Variants in UBL3 observed in about 807,000 individuals in gnomAD.
UBL3 encodes the protein ubiquitin-like protein 3.
UBL3 carries 6 observed loss-of-function variants against 18.4 expected under a neutral mutation model. The observed-to-expected ratio is 0.33, with a 90% CI of 0.18 to 0.64. The LOEUF is 0.64. Among genes scored for constraint, UBL3 ranks in the 30% least tolerant of loss-of-function variants. The pLI is 0.76. For missense variants in UBL3, 109 were observed against 142.9 expected, an observed-to-expected ratio of 0.76 and a Z score of 1.21; for synonymous variants, 49 against 46.6, an observed-to-expected ratio of 1.05 and a Z score of -0.21.
rs190837118 is a variant in UBL3 at position 29,826,592 on chromosome 13, C to A, written c.27+22920G>T. ...TTCTATTTGATTCTTCTTTATTAGT[C>A]TTGCTAGCAATCTCTCAATTTTGTT... On this transcript the variant is annotated intron_variant, in intron 1 of 4. Coordinates refer to ENST00000380680, the MANE Select transcript of UBL3 (RefSeq NM_007106.4). Among the ~76,000 whole-genome samples, 239 of 151,784 alleles carry A rather than the reference C, an allele frequency of 1.6e-3. 1 individual carries two copies. Among genetic ancestry groups the A allele is most frequent in the Non-Finnish European group, 2.9e-3 (198 of 67,790 alleles).
chr13:29,823,712 T>C (rs1339158030), intron 1 of UBL3, among the ~76,000 whole-genome samples: 1 of 152,208 alleles, frequency 6.6e-6, no homozygotes, highest in African/African-American at 2.4e-5. Flanking sequence ...TACTCATTTT[T>C]CTATTTATTT....
At position 29,766,454 on chromosome 13, in the gene UBL3, A is replaced by C. The variant is rs1422834331; in HGVS notation, c.*801T>G. 2 of 152,604 alleles carry C rather than the reference A, an allele frequency of 1.3e-5. No individual in the cohort carries two copies. The highest frequency in any genetic ancestry group is 1.5e-5 in the Non-Finnish European group (1 of 68,012). 9.5% of individuals were successfully genotyped at this position (152,604 alleles called of 1,614,324 possible). Reference sequence around the variant, plus strand: ...TGAGGTTTTCTAATATTTCTGCACAATAATGAAAGCCGATGAGTGACTGAA... The same window carrying C: ...TGAGGTTTTCTAATATTTCTGCACACTAATGAAAGCCGATGAGTGACTGAA... On this transcript the variant is annotated 3_prime_UTR_variant, in exon 5 of 5. Coordinates refer to ENST00000380680, the MANE Select transcript of UBL3 (RefSeq NM_007106.4).
chr13:29,847,876 G>T (rs565711400), intron 1 of UBL3, among the ~76,000 whole-genome samples: 3 of 152,064 alleles, frequency 2.0e-5, no homozygotes, highest in Admixed American at 6.6e-5. Flanking sequence ...ACTTAACCAG[G>T]CAGGAGGCTA....
intron 1 of UBL3, among the ~76,000 whole-genome samples, chr13:29,784,409 G>A (rs1877253778): frequency 1.2e-4 from 1 of 8,678 alleles, no homozygotes; most frequent in Non-Finnish European, 2.8e-3. Flanking sequence ...AATGAGTATT[G>A]GGATACTCTT....
intron 1 of UBL3, among the ~76,000 whole-genome samples, chr13:29,806,747 T>C (rs112653162): frequency 2.6e-5 from 4 of 152,296 alleles, no homozygotes; most frequent in Non-Finnish European, 5.9e-5. Flanking sequence ...ACGTGATCAC[T>C]GCCTGAAGGG....
At chr13:29,837,705 G>A (rs1468918446) in intron 1 of UBL3, among the ~76,000 whole-genome samples, 2 of 152,074 alleles carry the variant, frequency 1.3e-5, no homozygotes, top group South Asian at 2.1e-4. Flanking sequence ...TGAGGCAGGC[G>A]GATCACTTGA....
At chr13:29,805,576 C>T (rs1877879968) in intron 1 of UBL3, among the ~76,000 whole-genome samples, 1 of 152,124 alleles carries the variant, frequency 6.6e-6, no homozygotes, top group South Asian at 2.1e-4. Flanking sequence ...AAAATAGTCT[C>T]CTTTAACTTG....
At chr13:29,848,060 T>C (rs992865729) in intron 1 of UBL3, among the ~76,000 whole-genome samples, 1 of 152,018 alleles carries the variant, frequency 6.6e-6, no homozygotes, top group Admixed American at 6.6e-5. Flanking sequence ...TAAACCAAGG[T>C]CAAAATAAGC....
chr13:29,834,240 G>C (rs1436773528), intron 1 of UBL3, among the ~76,000 whole-genome samples: 1 of 151,100 alleles, frequency 6.6e-6, no homozygotes, highest in African/African-American at 2.4e-5. Context: ...AGACTAGTAT[G>C]TAATCATAAA....
At chr13:29,810,606 G>C (rs1472343004) in intron 1 of UBL3, among the ~76,000 whole-genome samples, 1 of 152,066 alleles carries the variant, frequency 6.6e-6, no homozygotes, top group Non-Finnish European at 1.5e-5. Context: ...GTGGTGTATA[G>C]TACATTTTGT....
At chr13:29,788,608 T>G (rs1232488165) in intron 1 of UBL3, among the ~76,000 whole-genome samples, 2 of 152,184 alleles carry the variant, frequency 1.3e-5, no homozygotes, top group African/African-American at 4.8e-5. Context: ...CAGAAAAGCT[T>G]GTTTTCTCTT....
At chr13:29,816,674 G>A (rs1356174935) in intron 1 of UBL3, among the ~76,000 whole-genome samples, 1 of 145,350 alleles carries the variant, frequency 6.9e-6, no homozygotes, top group Non-Finnish European at 1.5e-5. Flanking sequence ...AGGATTGTTT[G>A]AGCCCATGAG....
chr13:29,798,544 A>G (rs1432659216), intron 1 of UBL3, among the ~76,000 whole-genome samples: 2 of 152,248 alleles, frequency 1.3e-5, no homozygotes, highest in Non-Finnish European at 2.9e-5. Flanking sequence ...AACAGTCCTT[A>G]TTCTAAAGAC....
At chr13:29,842,825 T>C (rs278033) in intron 1 of UBL3, among the ~76,000 whole-genome samples, 136,650 of 152,182 alleles carry the variant, frequency 0.9, 61,530 homozygotes, top group East Asian at 0.98. Context: ...AAATTAGCCC[T>C]CCTAAAAAGA....
chr13:29,822,871 A>T (rs945877206), intron 1 of UBL3, among the ~76,000 whole-genome samples: 2 of 152,176 alleles, frequency 1.3e-5, no homozygotes, highest in African/African-American at 4.8e-5. Flanking sequence ...GATCTTTAAG[A>T]TCTCCCCAAA....
chr13:29,833,395 T>C (rs915317453), intron 1 of UBL3, among the ~76,000 whole-genome samples: 1 of 150,796 alleles, frequency 6.6e-6, no homozygotes, highest in Non-Finnish European at 1.5e-5. Flanking sequence ...CCAAAAATGT[T>C]TGCTGCCCAA....
At chr13:29,835,123 TAAA>T (rs1878906194) in intron 1 of UBL3, among the ~76,000 whole-genome samples, 3 of 18,124 alleles carry the variant, frequency 1.7e-4, no homozygotes, top group African/African-American at 1.4e-3. Flanking sequence ...TATATATATA[TAAA>T]TATATATATA....
chr13:29,835,136 ATATATATATATATATATATATAT>A (rs1878914226), intron 1 of UBL3, among the ~76,000 whole-genome samples: 5 of 8,730 alleles, frequency 5.7e-4, no homozygotes, highest in South Asian at 4.5e-3. Context: ...ATATATATAT[ATATATATATATATATATATATAT>A]ATATATATAT....
chr13:29,801,474 A>T (rs987993952), intron 1 of UBL3, among the ~76,000 whole-genome samples: 2 of 152,174 alleles, frequency 1.3e-5, no homozygotes, highest in Non-Finnish European at 2.9e-5. Context: ...GCTTCTTCTC[A>T]TTATGAGCCC....
Sources: gnomAD v4.1 joint callset for allele counts (sites outside exome capture counted in the v4.1 genomes callset) on GRCh38, gnomAD v4.1.1 for gene constraint, MANE v1.5 for transcripts, NCBI Gene and HGNC (gene_info 2026-07-23, HGNC 2026-07-21) for gene names.